JPT2: variants seen among roughly 807,000 people sequenced by gnomAD.
JPT2 encodes the protein CRAMP_1 like.
JPT2 carries 9 observed loss-of-function variants against 15.9 expected under a neutral mutation model. The observed-to-expected ratio is 0.57, with a 90% confidence interval of 0.34 to 0.99. The LOEUF is 0.99. JPT2 is among the 50% of genes least tolerant of loss of function. The pLI, the probability that JPT2 is intolerant of heterozygous loss-of-function variation, is 0.02. For synonymous variants in JPT2, 95 were observed against 91.7 expected (o/e 1.04, Z -0.21); for missense variants, 267 against 252.1 (o/e 1.06, Z -0.40).
At chr16:1,683,121 C>T (rs753284554) in intron 1 of JPT2, among the ~76,000 whole-genome samples, 6 of 152,072 alleles carry the variant, frequency 3.9e-5, no homozygotes, top group Non-Finnish European at 5.9e-5. Flanking sequence ...GGACTACAGG[C>T]GTCCGCCACC....
At chr16:1,678,593 G>T (rs12927825) in intron 1 of JPT2, among the ~76,000 whole-genome samples, 8 of 152,298 alleles carry the variant, frequency 5.3e-5, no homozygotes, top group African/African-American at 1.9e-4. Flanking sequence ...GACCGAGGCC[G>T]AGGGCGGGGA....
intron 3 of JPT2, among the ~76,000 whole-genome samples, chr16:1,693,974 T>G (rs1352926241): frequency 2.0e-5 from 3 of 152,062 alleles, no homozygotes; most frequent in African/African-American, 7.2e-5. Context: ...TAATGTAATT[T>G]ACGACCTTGG....
chr16:1,696,828 T>C (rs1306225987), intron 3 of JPT2, among the ~76,000 whole-genome samples: 1 of 151,950 alleles, frequency 6.6e-6, no homozygotes, highest in Non-Finnish European at 1.5e-5. Flanking sequence ...AAAATACGAG[T>C]TGGTGAGGAT....
At chr16:1,690,996 A>G (rs925410146) in intron 2 of JPT2, among the ~76,000 whole-genome samples, 1 of 152,228 alleles carries the variant, frequency 6.6e-6, no homozygotes, top group Admixed American at 6.5e-5. Flanking sequence ...CCATAGGATC[A>G]CACAGCAAGT....
chr16:1,681,681 CG>C (rs1188402903), intron 1 of JPT2, among the ~76,000 whole-genome samples: 4 of 152,196 alleles, frequency 2.6e-5, no homozygotes, highest in Admixed American at 2.0e-4. Context: ...GAAGCTCCTC[CG>C]GGGTAAGGAC....
intron 2 of JPT2, chr16:1,688,809 T>C (rs1159846168): frequency 6.6e-6 from 1 of 152,242 alleles, no homozygotes; most frequent in Non-Finnish European, 1.5e-5. Context: ...TATCTTCAAT[T>C]ATTAGTGAAT....
At chr16:1,687,125 G>C (rs981974283) in intron 2 of JPT2, among the ~76,000 whole-genome samples, 12 of 152,120 alleles carry the variant, frequency 7.9e-5, no homozygotes, top group Non-Finnish European at 1.2e-4. Context: ...TGGGACTACG[G>C]GCGTATGCCA....
chr16:1,684,172 T>A (rs1210411332), intron 1 of JPT2, among the ~76,000 whole-genome samples: 1 of 152,184 alleles, frequency 6.6e-6, no homozygotes, highest in African/African-American at 2.4e-5. Context: ...GTTGGTTGAA[T>A]CCATGGAAGC....
Position 1,700,452 on chromosome 16 carries a change from A to G in JPT2, c.*1454A>G, listed in dbSNP as rs2037173526. ...TACAAAGCTAATGCTTGGTGCTAGA[A>G]ACATCATCATTATTAAACTTCAGAA... On this transcript the variant is annotated 3_prime_UTR_variant, in exon 5 of 5. Transcript: ENST00000248098. The G allele has an allele frequency of 4.4e-6, 1 of 225,442 alleles. No individual in the cohort carries two copies. The highest frequency in any genetic ancestry group is 9.6e-6 in the Non-Finnish European group (1 of 104,386). 14.0% of individuals were successfully genotyped at this position (225,442 alleles called of 1,614,324 possible).
At chr16:1,680,451 C>G (rs1393869222) in intron 1 of JPT2, 11 of 1,231,086 alleles carry the variant, frequency 8.9e-6, no homozygotes, top group South Asian at 1.4e-5. Flanking sequence ...GAAAACTCTT[C>G]CTTTTAGGAT....
At chr16:1,684,926 A>AG (rs1270984955) in intron 1 of JPT2, among the ~76,000 whole-genome samples, 4 of 151,504 alleles carry the variant, frequency 2.6e-5, no homozygotes, top group Non-Finnish European at 2.9e-5. Context: ...AAAAAAAAAA[A>AG]GAATACTTTT....
Position 1,699,109 on chromosome 16 carries a change from G to A in JPT2, c.*111G>A, listed in dbSNP as rs769341725. On this transcript the variant is annotated 3_prime_UTR_variant, in exon 5 of 5. Transcript: ENST00000248098. Reference sequence around the variant, plus strand: ...GGGGTGGGAAGAGGGTTAGTCTTATGTGAGCCTGGCTGCTCAGCGTCTCCT... The same window carrying A: ...GGGGTGGGAAGAGGGTTAGTCTTATATGAGCCTGGCTGCTCAGCGTCTCCT... The A allele has an allele frequency of 8.6e-7, 1 of 1,161,410 alleles. No individual in the cohort carries two copies. Among genetic ancestry groups the A allele is most frequent in the Non-Finnish European group, 1.3e-6 (1 of 787,934 alleles). The allele number at this position is 1,161,410 out of a possible 1,614,324, so 71.9% of individuals were successfully genotyped here. A position where few individuals can be genotyped will look rare whatever the true frequency, so the allele number is the denominator to read the frequency against.
intron 3 of JPT2, among the ~76,000 whole-genome samples, chr16:1,693,820 G>A (rs2037122155): frequency 1.3e-5 from 2 of 151,638 alleles, no homozygotes. Context: ...CTGCTAGGGT[G>A]GTGTCAGAGG....
At position 1,698,051 on chromosome 16, in the gene JPT2, TG is replaced by T. The variant is rs201846492; in HGVS notation, c.385+193del. ...AAGGCTAGGGTGAAACCCTGGGACT[TG>T]GTTGTCTTGCTCATCAGCCTAGGCC... On this transcript the variant is annotated intron_variant, in intron 4 of 4. Transcript: ENST00000248098. This position sits in a 1 kb window ranked among gnomAD's most constrained non-coding sequence, Gnocchi z 4.9. Among the ~76,000 whole-genome samples the T allele has an allele frequency of 9.5e-3, 1,453 of 152,268 alleles. 14 individuals are homozygous for T. The highest frequency in any genetic ancestry group is 0.014 in the Non-Finnish European group (919 of 68,012).
At chr16:1,697,076 G>A (rs2142230535) in intron 3 of JPT2, among the ~76,000 whole-genome samples, 2 of 152,326 alleles carry the variant, frequency 1.3e-5, no homozygotes, top group Middle Eastern at 6.8e-3. Context: ...AGATGAATGG[G>A]TAAACAACAT....
At chr16:1,683,919 C>A (rs2037044648) in intron 1 of JPT2, among the ~76,000 whole-genome samples, 1 of 152,094 alleles carries the variant, frequency 6.6e-6, no homozygotes, top group African/African-American at 2.4e-5. Context: ...CCAGGACCCC[C>A]AGGATGCCAA....
intron 1 of JPT2, chr16:1,680,583 G>A (rs925164823): frequency 2.9e-5 from 28 of 973,142 alleles, no homozygotes; most frequent in East Asian, 9.5e-5. Flanking sequence ...CAGGGCGGGC[G>A]CCTTGTAAGC....
Position 1,693,139 on chromosome 16 carries a change from G to GC in JPT2, c.336+1157dup, listed in dbSNP as rs1403776735. On this transcript the variant is annotated intron_variant, in intron 3 of 4. Transcript: ENST00000248098. Reference sequence around the variant, plus strand: ...CTTTGAAATAGAGTCTCATTCTGTTGCCCAGGCTGGAGTGCAGTGGCACGA... The same window carrying GC: ...CTTTGAAATAGAGTCTCATTCTGTTGCCCCAGGCTGGAGTGCAGTGGCACGA... Among the ~76,000 whole-genome samples the GC allele has an allele frequency of 4.6e-5, 7 of 152,232 alleles. 1 individual carries two copies. The Middle Eastern group carries it at 0.01, about 222-fold the overall frequency.
intron 3 of JPT2, among the ~76,000 whole-genome samples, chr16:1,697,443 G>A (rs1413973950): frequency 3.9e-5 from 6 of 151,912 alleles, no homozygotes; most frequent in Non-Finnish European, 8.8e-5. Flanking sequence ...AGCCCAGGAG[G>A]CAGAGGCTGC....
Sources: gnomAD v4.1 joint callset for allele counts (sites outside exome capture counted in the v4.1 genomes callset) on GRCh38, gnomAD v4.1.1 for gene constraint, Gnocchi (gnomAD v3.1) non-coding constraint, MANE v1.5 for transcripts, NCBI Gene and HGNC (gene_info 2026-07-23, HGNC 2026-07-21) for gene names.